TTC28: variants seen among roughly 807,000 people sequenced by gnomAD.
The protein encoded by TTC28 is tetratricopeptide repeat protein 28.
A neutral mutation model predicts 198.0 loss-of-function variants in TTC28; 61 were observed. That is an observed-to-expected ratio of 0.31 (90% CI 0.25 to 0.38). The LOEUF (loss-of-function observed/expected upper bound fraction) is 0.38, where lower values mean the gene tolerates loss of function less well. Among genes scored for constraint, TTC28 ranks in the 10% least tolerant of loss-of-function variants. TTC28 has a pLI of 1.00. For missense variants in TTC28, 2,678 were observed against 3,164.0 expected (o/e 0.85, Z 3.69); for synonymous variants, 1,171 against 1,297.8 (o/e 0.90, Z 2.10).
chr22:28,232,595 C>G (rs1156448924), intron 5 of TTC28, among the ~76,000 whole-genome samples: 4 of 152,118 alleles, frequency 2.6e-5, no homozygotes, highest in Middle Eastern at 3.4e-3. Context: ...CAACAGAACC[C>G]AACTATAAAT....
At chr22:28,661,191 G>A (rs1253564759) in intron 1 of TTC28, among the ~76,000 whole-genome samples, 1 of 152,006 alleles carries the variant, frequency 6.6e-6, no homozygotes, top group Non-Finnish European at 1.5e-5. Context: ...AGCTAAGGCA[G>A]GAGAATCCCT....
chr22:28,211,195 C>T (rs1219426340), intron 5 of TTC28, among the ~76,000 whole-genome samples: 1 of 152,132 alleles, frequency 6.6e-6, no homozygotes, highest in Non-Finnish European at 1.5e-5. Context: ...ATTGTAAAGA[C>T]CATTGATGCT....
intron 12 of TTC28, among the ~76,000 whole-genome samples, chr22:28,036,648 A>G (rs1206370984): frequency 3.3e-5 from 5 of 152,216 alleles, no homozygotes; most frequent in Non-Finnish European, 5.9e-5. Context: ...AACTAGCAGA[A>G]GGCAAGAAGT....
intron 2 of TTC28, among the ~76,000 whole-genome samples, chr22:28,558,284 A>C (rs1311529757): frequency 1.3e-5 from 2 of 152,224 alleles, no homozygotes; most frequent in Non-Finnish European, 2.9e-5. Context: ...GTTCATTTAC[A>C]TGGTAAGATG....
At chr22:28,406,320 T>A (rs2046997442) in intron 2 of TTC28, among the ~76,000 whole-genome samples, 1 of 152,246 alleles carries the variant, frequency 6.6e-6, no homozygotes, top group African/African-American at 2.4e-5. Flanking sequence ...CTTATCTTAT[T>A]AACGAGACTA....
At chr22:28,131,755 A>G (rs1943064393) in intron 6 of TTC28, among the ~76,000 whole-genome samples, 1 of 152,234 alleles carries the variant, frequency 6.6e-6, no homozygotes, top group African/African-American at 2.4e-5. Context: ...AATACGTATT[A>G]GAAAGGGTTG....
chr22:28,677,978 T>TA (rs1009680047), intron 1 of TTC28, among the ~76,000 whole-genome samples: 3 of 151,978 alleles, frequency 2.0e-5, no homozygotes, highest in South Asian at 4.1e-4. Flanking sequence ...ATTAAAAATT[T>TA]AAAAAATCAC....
At chr22:28,170,558 C>T (rs1922570370) in intron 5 of TTC28, among the ~76,000 whole-genome samples, 2 of 151,914 alleles carry the variant, frequency 1.3e-5, no homozygotes, top group East Asian at 1.9e-4. Flanking sequence ...AGGAAATTCA[C>T]AGGAGAAATC....
chr22:28,613,084 T>A (rs2050846627), intron 2 of TTC28, among the ~76,000 whole-genome samples: 1 of 151,958 alleles, frequency 6.6e-6, no homozygotes, highest in Non-Finnish European at 1.5e-5. Flanking sequence ...GATAGACCGC[T>A]AGCCAGACTA....
intron 13 of TTC28, among the ~76,000 whole-genome samples, chr22:28,015,532 C>G (rs1254308958): frequency 6.6e-6 from 1 of 152,064 alleles, no homozygotes; most frequent in East Asian, 1.9e-4. Flanking sequence ...AAGTGCTCCT[C>G]CTGCCTCAGC....
chr22:28,648,725 AG>A (rs1280146645), intron 1 of TTC28, among the ~76,000 whole-genome samples: 1 of 152,224 alleles, frequency 6.6e-6, no homozygotes. Context: ...CCTGGGCAAC[AG>A]GGTGAAACCC....
chr22:28,255,681 C>CAAA (rs134192), intron 5 of TTC28, among the ~76,000 whole-genome samples: 1 of 114,732 alleles, frequency 8.7e-6, no homozygotes. Flanking sequence ...AACTCCGTCT[C>CAAA]AAAAAAAAAA....
rs1449757981 is a variant in TTC28, at chr22:28,591,034, CACACACATATAT to C, written c.381+38506_381+38517del. Among the ~76,000 whole-genome samples the C allele has an allele frequency of 9.5e-3, 454 of 47,776 alleles. 1 individual carries two copies. Among genetic ancestry groups the C allele is most frequent in the African/African-American group, 0.022 (310 of 14,400 alleles). 31.3% of individuals were successfully genotyped at this position (47,776 alleles called of 152,430 possible). A position where few individuals can be genotyped will look rare whatever the true frequency, so the allele number is the denominator to read the frequency against. Reference sequence around the variant, plus strand: ...ACACACACACACACACACACACACACACACACATATATATATATATATATATATATATATATA... The same window carrying C: ...ACACACACACACACACACACACACACATATATATATATATATATATATATA... On this transcript the variant is annotated intron_variant, in intron 2 of 22. Transcript: ENST00000397906.
intron 2 of TTC28, among the ~76,000 whole-genome samples, chr22:28,407,756 T>G (rs2047020880): frequency 6.6e-6 from 1 of 152,216 alleles, no homozygotes; most frequent in Non-Finnish European, 1.5e-5. Flanking sequence ...AGGGATAGAA[T>G]CACTCGCTGA....
chr22:28,028,180 T>A (rs1450045099), intron 13 of TTC28, among the ~76,000 whole-genome samples: 1 of 152,180 alleles, frequency 6.6e-6, no homozygotes, highest in Admixed American at 6.5e-5. Flanking sequence ...TTTCTTTGCT[T>A]TTCTGAGGGT....
chr22:28,654,340 T>TA (rs1358889203), intron 1 of TTC28, among the ~76,000 whole-genome samples: 15 of 151,382 alleles, frequency 9.9e-5, no homozygotes, highest in South Asian at 2.1e-4. Flanking sequence ...AATATATATA[T>TA]TTTTTTGAGG....
intron 5 of TTC28, among the ~76,000 whole-genome samples, chr22:28,199,299 G>A (rs1246295895): frequency 1.3e-5 from 2 of 148,176 alleles, no homozygotes; most frequent in Non-Finnish European, 1.5e-5. Flanking sequence ...AAACTGAATT[G>A]GAAATATCCC....
At chr22:28,314,792 G>A (rs1031944330) in intron 2 of TTC28, among the ~76,000 whole-genome samples, 1 of 152,000 alleles carries the variant, frequency 6.6e-6, no homozygotes, top group Non-Finnish European at 1.5e-5. Flanking sequence ...AGAATTGCTC[G>A]AGCCCAAGAG....
At chr22:28,677,665 C>T (rs191501231) in intron 1 of TTC28, among the ~76,000 whole-genome samples, 4 of 151,550 alleles carry the variant, frequency 2.6e-5, no homozygotes, top group East Asian at 1.9e-4. Flanking sequence ...GGCCAGGTGC[C>T]GTGGCTCACA....
Sources: gnomAD v4.1 joint callset for allele counts (sites outside exome capture counted in the v4.1 genomes callset) on GRCh38, gnomAD v4.1.1 for gene constraint, MANE v1.5 for transcripts, NCBI Gene and HGNC (gene_info 2026-07-23, HGNC 2026-07-21) for gene names.